Variants in CAV3 observed in about 807,000 individuals in gnomAD.
CAV3 encodes caveolin 3, also known as caveolin-3.
CAV3 carries 10 observed loss-of-function variants against 13.4 expected under a neutral mutation model. The ratio of observed to expected loss-of-function variants is 0.75; its 90% CI spans 0.46 to 1.27. The LOEUF (loss-of-function observed/expected upper bound fraction) is 1.27. CAV3 is among the 50% of genes most tolerant of loss of function. The pLI is 0.00. For synonymous variants in CAV3, 90 were observed against 79.0 expected (o/e 1.14, Z -0.74); for missense variants, 162 against 194.0 (o/e 0.83, Z 0.98).
chr3:8,741,673 C>T (rs111655837), intron 1 of CAV3, among the ~76,000 whole-genome samples: 4 of 152,236 alleles, frequency 2.6e-5, no homozygotes, highest in African/African-American at 7.2e-5. Flanking sequence ...GAGCTATTTC[C>T]CCACCCACAG....
At position 8,733,846 on chromosome 3, in the gene CAV3, A is replaced by G. The variant is rs917823409; in HGVS notation, c.-31A>G. On this transcript the variant is annotated 5_prime_UTR_variant, in exon 1 of 2. Transcript: ENST00000343849. ...AGCCCCAGCCGGCCACACAGCTCGG[A>G]TCTCCTCCTGTGGATCCCCCCAGCT... is the stretch of plus-strand genomic sequence containing the variant. 4.3e-6 allele frequency: 6 copies of G among 1,386,772 alleles called. No individual in the cohort carries two copies. The highest frequency in any genetic ancestry group is 6.2e-6 in the Non-Finnish European group (6 of 973,336). 85.9% of individuals were successfully genotyped at this position (1,386,772 alleles called of 1,614,324 possible). A position where few individuals can be genotyped will look rare whatever the true frequency, so the allele number is the denominator to read the frequency against.
In CAV3 at chr3:8,745,555, T is replaced by C. The variant is rs149287333; in HGVS notation, c.144T>C (p.Pro48=). The C allele has an allele frequency of 2.8e-5, 46 of 1,614,182 alleles. No homozygotes were observed. In the African/African-American group the frequency reaches 5.7e-4, roughly 20 times the overall value. ...KVDFEDVIAE[P]VGTYSFDGVW... is the part of the protein sequence containing the mutation. ...ATTTTGAAGACGTGATCGCAGAGCC[T>C]GTGGGCACCTACAGCTTTGACGGCG... The change falls in exon 2 of 2, where the codon CCT becomes CCC. Residue 48 remains proline, a synonymous_variant. Transcript: ENST00000343849. This position sits in a 1 kb window ranked among gnomAD's most constrained non-coding sequence, Gnocchi z 4.8.
chr3:8,734,243 A>T (rs1225168377), intron 1 of CAV3, among the ~76,000 whole-genome samples: 3 of 151,628 alleles, frequency 2.0e-5, no homozygotes, highest in Non-Finnish European at 4.4e-5. Context: ...TCAGGGCAGG[A>T]GGAGCGAGTC....
chr3:8,738,211 G>T (rs577580095), intron 1 of CAV3, among the ~76,000 whole-genome samples: 1 of 152,314 alleles, frequency 6.6e-6, no homozygotes, highest in Admixed American at 6.5e-5. Context: ...TGCCCTTCAA[G>T]CAGGGGAAGG....
At chr3:8,742,009 C>T (rs1309208507) in intron 1 of CAV3, among the ~76,000 whole-genome samples, 3 of 152,194 alleles carry the variant, frequency 2.0e-5, no homozygotes, top group Non-Finnish European at 2.9e-5. Flanking sequence ...AGCCTCAGCA[C>T]GCAGATGCAG....
chr3:8,743,887 TC>T (rs1470498365), intron 1 of CAV3, among the ~76,000 whole-genome samples: 7 of 152,242 alleles, frequency 4.6e-5, no homozygotes, highest in African/African-American at 1.7e-4. Flanking sequence ...TTTTCTTTTT[TC>T]TATTCTGTTA....
At chr3:8,736,007 C>A (rs570391638) in intron 1 of CAV3, among the ~76,000 whole-genome samples, 3 of 152,300 alleles carry the variant, frequency 2.0e-5, no homozygotes, top group Admixed American at 2.0e-4. Flanking sequence ...TACAGTATAG[C>A]ACAGTGTGAA....
chr3:8,739,501 T>C (rs1188944704), intron 1 of CAV3, among the ~76,000 whole-genome samples: 11 of 150,492 alleles, frequency 7.3e-5, no homozygotes. Context: ...GTGCCTGTAA[T>C]CCCAGCTACT....
intron 1 of CAV3, among the ~76,000 whole-genome samples, chr3:8,741,461 C>A (rs1707955823): frequency 6.6e-6 from 1 of 152,118 alleles, no homozygotes; most frequent in Admixed American, 6.5e-5. Context: ...AAAAGCTAAG[C>A]CTCTCACTTG....
intron 1 of CAV3, chr3:8,742,472 G>A (rs756395580): frequency 8.8e-6 from 4 of 456,502 alleles, no homozygotes; most frequent in Admixed American, 7.0e-5. Context: ...TGTAAGGAAA[G>A]GAGGACTCCA....
chr3:8,740,677 G>A (rs904895972), intron 1 of CAV3, among the ~76,000 whole-genome samples: 7 of 152,170 alleles, frequency 4.6e-5, no homozygotes, highest in African/African-American at 7.2e-5. Context: ...GGTAGACCTG[G>A]AGCTGAAAAG....
intron 1 of CAV3, chr3:8,742,525 A>G: frequency 2.2e-6 from 1 of 456,138 alleles, no homozygotes; most frequent in Non-Finnish European, 4.4e-6. Flanking sequence ...AGACTCATTT[A>G]TAACTAAGTA....
chr3:8,740,866 C>T (rs1184451241), intron 1 of CAV3, among the ~76,000 whole-genome samples: 1 of 152,194 alleles, frequency 6.6e-6, no homozygotes, highest in Non-Finnish European at 1.5e-5. Context: ...GGCCTCAGGC[C>T]CTGCTGGGGT....
Position 8,745,564 on chromosome 3 carries a change from C to G in CAV3, c.153C>G (p.Thr51=), listed in dbSNP as rs375087776. 1.2e-6 allele frequency: 2 copies of G among 1,614,088 alleles called. No homozygotes were observed. The highest frequency in any genetic ancestry group is 1.7e-6 in the Non-Finnish European group (2 of 1,180,054). The change falls in exon 2 of 2, where the codon ACC becomes ACG. Residue 51 remains threonine (T), a synonymous_variant. Transcript: ENST00000343849. The surrounding 1 kb of genome is among the most constrained non-coding windows in gnomAD (Gnocchi z 4.8). ...FEDVIAEPVG[T]YSFDGVWKVS... Reference sequence around the variant, plus strand: ...ACGTGATCGCAGAGCCTGTGGGCACCTACAGCTTTGACGGCGTGTGGAAGG... The same window carrying G: ...ACGTGATCGCAGAGCCTGTGGGCACGTACAGCTTTGACGGCGTGTGGAAGG...
At chr3:8,742,406 A>C in intron 1 of CAV3, 1 of 392,924 alleles carries the variant, frequency 2.5e-6, no homozygotes, top group South Asian at 1.8e-5. Context: ...TAATTAAAAG[A>C]CACATACAGA....
Position 8,746,307 on chromosome 3 carries a change from G to A in CAV3, c.*440G>A, listed in dbSNP as rs535471483. On this transcript the variant is annotated 3_prime_UTR_variant, in exon 2 of 2. Transcript: ENST00000343849. The stretch of plus-strand genomic sequence containing the variant: ...GGAATGCTGCATTTTGTTCGTGCCT[G>A]TAAGATTGGTTTGTGTCCTGACCAG... The A allele has an allele frequency of 6.0e-5, 10 of 167,172 alleles. No individual in the cohort carries two copies. The East Asian group carries it at 1.6e-3, about 27-fold the overall frequency. The allele number at this position is 167,172 out of a possible 1,614,324, so 10.4% of individuals were successfully genotyped here.
At position 8,745,764 on chromosome 3, in the gene CAV3, G is replaced by A; in HGVS notation, c.353G>A (p.Ser118Asn). 1 of 1,614,088 alleles carries A rather than the reference G, an allele frequency of 6.2e-7. No homozygotes were observed. Among genetic ancestry groups the A allele is most frequent in the Non-Finnish European group, 8.5e-7 (1 of 1,180,032 alleles). Residue 118 changes from serine (S) to asparagine (N), a missense_variant, in exon 2 of 2, where the codon AGC becomes AAC. Coordinates refer to ENST00000343849, the MANE Select transcript of CAV3 (RefSeq NM_033337.3). The surrounding 1 kb of genome is among the most constrained non-coding windows in gnomAD (Gnocchi z 4.8). ...KSYLIEIQCI[S>N]HIYSLCIRTF... ...TACCTGATCGAGATCCAGTGCATCA[G>A]CCACATCTACTCACTCTGCATCCGC...
At chr3:8,736,390 GC>G (rs1286348347) in intron 1 of CAV3, among the ~76,000 whole-genome samples, 1 of 152,226 alleles carries the variant, frequency 6.6e-6, no homozygotes, top group Admixed American at 6.5e-5. Flanking sequence ...CTGGCACCCA[GC>G]AAGGATGAGA....
At position 8,745,214 on chromosome 3, in the gene CAV3, G is replaced by A. The variant is rs532531003; in HGVS notation, c.115-312G>A. On this transcript the variant is annotated intron_variant, in intron 1 of 1. Transcript: ENST00000343849. This position sits in a 1 kb window ranked among gnomAD's most constrained non-coding sequence, Gnocchi z 4.8. ...TCTCTTGCTCCCACTCTCACCAGGG[G>A]AGACGCCTGCTCTCCCTTCTCTAGC... 2.0e-5 allele frequency among the ~76,000 whole-genome samples: 3 copies of A among 152,056 alleles called. No individual in the cohort carries two copies. The highest frequency in any genetic ancestry group is 1.9e-4 in the East Asian group (1 of 5,180).
Sources: gnomAD v4.1 joint callset for allele counts (sites outside exome capture counted in the v4.1 genomes callset) on GRCh38, gnomAD v4.1.1 for gene constraint, Gnocchi (gnomAD v3.1) non-coding constraint, MANE v1.5 for transcripts, NCBI Gene and HGNC (gene_info 2026-07-23, HGNC 2026-07-21) for gene names.